The following PLA2G4A variants were observed in gnomAD, a reference collection of about 807,000 sequenced individuals.
The protein encoded by PLA2G4A is phospholipase A2 group IVA.
In PLA2G4A, 40 loss-of-function variants were observed where a neutral mutation model predicts 81.9. That is an observed-to-expected ratio of 0.49 (90% CI 0.38 to 0.64). PLA2G4A has a LOEUF of 0.64. PLA2G4A is among the 30% of genes least tolerant of loss of function. The pLI is 0.00. For synonymous variants in PLA2G4A, 302 were observed against 296.9 expected (o/e 1.02, Z -0.18); for missense variants, 715 against 905.1 (o/e 0.79, Z 2.69).
intron 2 of PLA2G4A, among the ~76,000 whole-genome samples, chr1:186,858,196 T>C (rs998382356): frequency 6.6e-6 from 1 of 152,190 alleles, no homozygotes; most frequent in African/African-American, 2.4e-5. Context: ...TCTTCCACAA[T>C]GGTTGAACTA....
chr1:186,841,032 A>C (rs1419579348), intron 1 of PLA2G4A, among the ~76,000 whole-genome samples: 1 of 152,232 alleles, frequency 6.6e-6, no homozygotes, highest in Non-Finnish European at 1.5e-5. Flanking sequence ...CAGTAAGTAC[A>C]TCACCATTGT....
At chr1:186,840,333 C>G (rs965264297) in intron 1 of PLA2G4A, among the ~76,000 whole-genome samples, 2 of 152,102 alleles carry the variant, frequency 1.3e-5, no homozygotes, top group African/African-American at 4.8e-5. Flanking sequence ...CTGCAAAAGA[C>G]TAGGTTTCTT....
intron 17 of PLA2G4A, among the ~76,000 whole-genome samples, chr1:186,980,438 T>C (rs1657684513): frequency 6.6e-6 from 1 of 152,226 alleles, no homozygotes; most frequent in African/African-American, 2.4e-5. Flanking sequence ...TTCCAAATCA[T>C]AGTGTCTGAC....
intron 7 of PLA2G4A, among the ~76,000 whole-genome samples, chr1:186,921,402 G>A (rs1655344698): frequency 6.6e-6 from 1 of 152,210 alleles, no homozygotes. Context: ...GCTTTTCAGT[G>A]TAAGATGGAG....
intron 2 of PLA2G4A, among the ~76,000 whole-genome samples, chr1:186,868,682 T>C (rs1299219231): frequency 1.3e-5 from 2 of 152,222 alleles, no homozygotes; most frequent in Non-Finnish European, 1.5e-5. Context: ...TGTAAGGTTA[T>C]TAATTGTTGA....
intron 1 of PLA2G4A, among the ~76,000 whole-genome samples, chr1:186,838,040 A>G (rs563598414): frequency 4.6e-5 from 7 of 152,236 alleles, no homozygotes; most frequent in African/African-American, 1.7e-4. Flanking sequence ...GTCGCCTGCT[A>G]AGAGTGGGAG....
chr1:186,954,104 G>T (rs890757048), intron 13 of PLA2G4A, among the ~76,000 whole-genome samples: 1 of 152,116 alleles, frequency 6.6e-6, no homozygotes, highest in Non-Finnish European at 1.5e-5. Context: ...GTGAAGATAA[G>T]GATTATAAAT....
intron 7 of PLA2G4A, among the ~76,000 whole-genome samples, chr1:186,920,107 G>T (rs760165734): frequency 1.2e-4 from 19 of 152,168 alleles, no homozygotes; most frequent in South Asian, 2.1e-4. Flanking sequence ...TGCTTAGCTA[G>T]AGCTGGTTTT....
At chr1:186,964,928 CAG>C (rs1256590050) in intron 14 of PLA2G4A, among the ~76,000 whole-genome samples, 1 of 152,222 alleles carries the variant, frequency 6.6e-6, no homozygotes, top group Non-Finnish European at 1.5e-5. Flanking sequence ...GGGAACCATA[CAG>C]AGTCTGCCAC....
At chr1:186,959,506 T>C (rs1423805127) in intron 14 of PLA2G4A, among the ~76,000 whole-genome samples, 1 of 152,222 alleles carries the variant, frequency 6.6e-6, no homozygotes, top group Non-Finnish European at 1.5e-5. Context: ...TTCATTTTTA[T>C]GTATTCAGTT....
intron 1 of PLA2G4A, among the ~76,000 whole-genome samples, chr1:186,830,994 CTTTCTTTCTTTCTTTCTTTCTTTCTT>C (rs1651559498): frequency 1.5e-5 from 2 of 137,798 alleles, no homozygotes; most frequent in African/African-American, 5.3e-5. Context: ...TTCTTTCTTT[CTTTCTTTCTTTCTTTCTTTCTTTCTT>C]TTTCTTTCTT....
At chr1:186,927,991 G>A (rs1655610365) in intron 7 of PLA2G4A, among the ~76,000 whole-genome samples, 1 of 152,142 alleles carries the variant, frequency 6.6e-6, no homozygotes, top group South Asian at 2.1e-4. Context: ...AGGCAGTGGA[G>A]GGCTCCCTTT....
At chr1:186,887,553 G>A (rs1219147919) in intron 3 of PLA2G4A, among the ~76,000 whole-genome samples, 12 of 152,086 alleles carry the variant, frequency 7.9e-5, no homozygotes, top group Admixed American at 7.9e-4. Context: ...TAGATAAAAG[G>A]ATGAGATGTA....
At chr1:186,913,001 A>G (rs900898784) in intron 7 of PLA2G4A, among the ~76,000 whole-genome samples, 1 of 151,088 alleles carries the variant, frequency 6.6e-6, no homozygotes, top group Admixed American at 6.6e-5. Context: ...TCGAACAAGA[A>G]GAAAATGCCA....
At chr1:186,912,135 T>C (rs549972857) in intron 7 of PLA2G4A, among the ~76,000 whole-genome samples, 25 of 152,280 alleles carry the variant, frequency 1.6e-4, no homozygotes, top group African/African-American at 5.8e-4. Flanking sequence ...ATTCACTTGT[T>C]TTTCTTTGGA....
Position 186,981,361 on chromosome 1 carries a change from A to G in PLA2G4A, c.2118+1889A>G, listed in dbSNP as rs527651914. Among the ~76,000 whole-genome samples the G allele has an allele frequency of 3.2e-4, 49 of 152,290 alleles. 1 individual carries two copies. The South Asian group carries it at 4.8e-3, about 15-fold the overall frequency. On this transcript the variant is annotated intron_variant, in intron 17 of 17. Coordinates refer to ENST00000367466, the MANE Select transcript of PLA2G4A (RefSeq NM_024420.3). The stretch of plus-strand genomic sequence containing the variant: ...TCTGCTAAACAATTTGCAATAAGGA[A>G]TGATACAGTTTTATTTATATATTTT...
In PLA2G4A at chr1:186,939,864, A is replaced by C. The variant is rs1342308768; in HGVS notation, c.919-116A>C. On this transcript the variant is annotated intron_variant, in intron 9 of 17. Transcript: ENST00000367466. ...GACCTAGTAATTTCTAGAAGTAATA[A>C]GACTTATTTTTATTATAAAGTTATA... 4 of 656,460 alleles carry C rather than the reference A, an allele frequency of 6.1e-6. No homozygotes were observed. The East Asian group carries it at 1.1e-4, about 18-fold the overall frequency. The allele number at this position is 656,460 out of a possible 1,614,324, so 40.7% of individuals were successfully genotyped here. A position where few individuals can be genotyped will look rare whatever the true frequency, so the allele number is the denominator to read the frequency against.
chr1:186,944,240 G>A (rs1656259001), intron 10 of PLA2G4A, among the ~76,000 whole-genome samples: 1 of 152,104 alleles, frequency 6.6e-6, no homozygotes, highest in Admixed American at 6.6e-5. Context: ...AAGCGCAGGA[G>A]AGAGGTTGGA....
chr1:186,848,294 T>C (rs1190457413), intron 1 of PLA2G4A, among the ~76,000 whole-genome samples: 1 of 152,112 alleles, frequency 6.6e-6, no homozygotes, highest in Non-Finnish European at 1.5e-5. Context: ...ACTGCTGAAG[T>C]AATATTTTTC....
Sources: gnomAD v4.1 joint callset for allele counts (sites outside exome capture counted in the v4.1 genomes callset) on GRCh38, gnomAD v4.1.1 for gene constraint, MANE v1.5 for transcripts, NCBI Gene and HGNC (gene_info 2026-07-23, HGNC 2026-07-21) for gene names.